NEK11: variants seen among roughly 807,000 people sequenced by gnomAD.
NEK11 encodes NIMA related kinase 11.
In NEK11, 72 loss-of-function variants were observed where a neutral mutation model predicts 80.7. The observed-to-expected ratio is 0.89, with a 90% confidence interval of 0.74 to 1.08. The LOEUF is 1.08. Among genes scored for constraint, NEK11 ranks in the 50% least tolerant of loss-of-function variants. The pLI is 0.00. For synonymous variants in NEK11, 251 were observed against 260.7 expected (o/e 0.96, Z 0.36); for missense variants, 764 against 763.6 (o/e 1.00, Z -0.01).
At chr3:131,102,658 G>A (rs1173643708) in intron 4 of NEK11, among the ~76,000 whole-genome samples, 6 of 152,078 alleles carry the variant, frequency 3.9e-5, no homozygotes, top group Non-Finnish European at 8.8e-5. Context: ...CCTTGGGGAT[G>A]GTTGACTTAT....
intron 7 of NEK11, among the ~76,000 whole-genome samples, chr3:131,145,123 C>A (rs1477878676): frequency 6.6e-6 from 1 of 152,094 alleles, no homozygotes; most frequent in Non-Finnish European, 1.5e-5. Flanking sequence ...CCCACTCCAG[C>A]CTCTGGAGTA....
At chr3:131,194,647 G>A (rs551443660) in intron 14 of NEK11, among the ~76,000 whole-genome samples, 1 of 151,842 alleles carries the variant, frequency 6.6e-6, no homozygotes, top group South Asian at 2.1e-4. Flanking sequence ...TTTTAACTGT[G>A]AACTTTGTGT....
intron 2 of NEK11, among the ~76,000 whole-genome samples, chr3:131,028,223 G>C (rs1385273765): frequency 2.6e-5 from 4 of 152,182 alleles, no homozygotes; most frequent in East Asian, 3.8e-4. Flanking sequence ...TTTTAAGAAG[G>C]AAAATGTTGT....
At chr3:131,192,439 A>G (rs1441242392) in intron 14 of NEK11, among the ~76,000 whole-genome samples, 1 of 152,198 alleles carries the variant, frequency 6.6e-6, no homozygotes, top group Non-Finnish European at 1.5e-5. Context: ...ATGTGATTAT[A>G]TACCCTCCAA....
At chr3:131,277,649 G>A (rs1008482644) in intron 17 of NEK11, among the ~76,000 whole-genome samples, 1 of 152,212 alleles carries the variant, frequency 6.6e-6, no homozygotes, top group African/African-American at 2.4e-5. Context: ...GGGCCCTGGG[G>A]CTTTGTAAGT....
intron 3 of NEK11, among the ~76,000 whole-genome samples, chr3:131,038,107 A>G (rs952482598): frequency 6.6e-6 from 1 of 152,168 alleles, no homozygotes; most frequent in African/African-American, 2.4e-5. Context: ...TTTTAAGAGA[A>G]AGTATAACAT....
chr3:131,302,899 T>C (rs1213589713), intron 17 of NEK11, among the ~76,000 whole-genome samples: 14 of 152,184 alleles, frequency 9.2e-5, no homozygotes, highest in Non-Finnish European at 2.1e-4. Flanking sequence ...GTCCTGAATA[T>C]CTGTTTTCTG....
intron 16 of NEK11, among the ~76,000 whole-genome samples, chr3:131,271,557 G>T (rs1341110013): frequency 1.3e-5 from 2 of 152,148 alleles, no homozygotes; most frequent in African/African-American, 2.4e-5. Flanking sequence ...CACTTTGGCA[G>T]GCCGAGGCAG....
At chr3:131,111,127 G>A (rs1485432514) in intron 5 of NEK11, among the ~76,000 whole-genome samples, 5 of 152,030 alleles carry the variant, frequency 3.3e-5, no homozygotes, top group Non-Finnish European at 4.4e-5. Flanking sequence ...GCTAACTATG[G>A]TATTCTATGC....
At chr3:131,252,307 A>T (rs142921134) in intron 16 of NEK11, among the ~76,000 whole-genome samples, 11 of 152,238 alleles carry the variant, frequency 7.2e-5, no homozygotes, top group African/African-American at 2.4e-4. Context: ...ATGTCAAGAT[A>T]TGTATGTATC....
chr3:131,175,590 G>T (rs1201161606), intron 14 of NEK11, among the ~76,000 whole-genome samples: 1 of 152,116 alleles, frequency 6.6e-6, no homozygotes, highest in Non-Finnish European at 1.5e-5. Flanking sequence ...GTTGCCTGGG[G>T]GTGGTAGTGG....
chr3:131,250,705 G>A (rs903665233), intron 16 of NEK11, among the ~76,000 whole-genome samples: 4 of 152,078 alleles, frequency 2.6e-5, no homozygotes, highest in Non-Finnish European at 5.9e-5. Flanking sequence ...AGACTAGAAT[G>A]AGTCAGAGAA....
chr3:131,274,506 T>A (rs1483559306), intron 17 of NEK11, among the ~76,000 whole-genome samples: 1 of 151,828 alleles, frequency 6.6e-6, no homozygotes, highest in Non-Finnish European at 1.5e-5. Context: ...ATGGTATTCC[T>A]AGTTCTAGAT....
chr3:131,349,299 C>A (rs933156837), intron 17 of NEK11, among the ~76,000 whole-genome samples: 1 of 152,132 alleles, frequency 6.6e-6, no homozygotes, highest in Non-Finnish European at 1.5e-5. Flanking sequence ...TATACACACA[C>A]AAGGGCAGGA....
intron 16 of NEK11, among the ~76,000 whole-genome samples, chr3:131,255,862 A>G (rs777675943): frequency 3.2e-4 from 48 of 152,120 alleles, no homozygotes; most frequent in Non-Finnish European, 6.3e-4. Context: ...TGATTAGACC[A>G]TGTCCAAATA....
At chr3:131,030,758 C>CT (rs2064725674) in intron 3 of NEK11, among the ~76,000 whole-genome samples, 1 of 152,192 alleles carries the variant, frequency 6.6e-6, no homozygotes, top group South Asian at 2.1e-4. Flanking sequence ...ATCGGACCCT[C>CT]TACACTTTCA....
At chr3:131,039,569 G>T (rs1412003747) in intron 3 of NEK11, among the ~76,000 whole-genome samples, 1 of 152,112 alleles carries the variant, frequency 6.6e-6, no homozygotes, top group Admixed American at 6.5e-5. Flanking sequence ...CTTCTAAACC[G>T]ATCTGGTTCC....
chr3:131,137,140 G>A (rs748026863), intron 7 of NEK11, among the ~76,000 whole-genome samples: 9 of 152,066 alleles, frequency 5.9e-5, no homozygotes, highest in Non-Finnish European at 1.2e-4. Flanking sequence ...AATTTGGTGT[G>A]GAGGTTGGTT....
At chr3:131,238,483 C>G (rs564190586) in intron 15 of NEK11, among the ~76,000 whole-genome samples, 2 of 152,156 alleles carry the variant, frequency 1.3e-5, no homozygotes, top group South Asian at 4.1e-4. Context: ...GCCAATTAGC[C>G]AGGACACAAA....
Sources: allele counts gnomAD v4.1 joint callset (sites outside exome capture counted in the v4.1 genomes callset), GRCh38; gene constraint gnomAD v4.1.1; transcripts MANE v1.5; gene names NCBI Gene and HGNC (gene_info 2026-07-23, HGNC 2026-07-21).